Variants in MICAL3 observed in about 807,000 individuals in gnomAD.
MICAL3 encodes [F-actin]-monooxygenase MICAL3.
MICAL3 carries 62 observed loss-of-function variants against 207.4 expected under a neutral mutation model. The observed-to-expected ratio is 0.30, with a 90% CI of 0.24 to 0.37. The LOEUF is 0.37. Ranked by LOEUF, MICAL3 falls within the 10% of genes least tolerant of loss-of-function variation. The pLI is 1.00. For missense variants in MICAL3, 2,368 were observed against 2,635.6 expected (o/e 0.90, Z 2.22); for synonymous variants, 1,077 against 1,069.3 (o/e 1.01, Z -0.14).
In MICAL3 at chr22:17,828,891, A is replaced by G. The variant is rs542130873; in HGVS notation, c.3056-1110T>C. On this transcript the variant is annotated intron_variant, in intron 21 of 31. Coordinates refer to ENST00000441493, the MANE Select transcript of MICAL3 (RefSeq NM_015241.3). ...TGCCTCCTCTGAGTCTAACCAGACA[A>G]TCTGGCCTTGGCTTCAGTCACTATG... 4.9e-4 allele frequency among the ~76,000 whole-genome samples: 75 copies of G among 152,310 alleles called. 1 individual carries two copies. In the South Asian group the frequency reaches 0.015, roughly 31 times the overall value.
intron 10 of MICAL3, among the ~76,000 whole-genome samples, chr22:17,895,045 G>T (rs546842806): frequency 1.1e-3 from 169 of 152,298 alleles, no homozygotes; most frequent in African/African-American, 3.9e-3. Context: ...TGGCATAAAG[G>T]CCTGGATTCC....
chr22:17,885,911 A>G lies in MICAL3; in HGVS notation c.2208T>C (p.Asn736=), dbSNP rs916561616. The G allele has an allele frequency of 6.2e-7, 1 of 1,613,988 alleles. No homozygotes were observed. Among genetic ancestry groups the G allele is most frequent in the African/African-American group, 1.3e-5 (1 of 75,038 alleles). ...ATQLLAKFEE[N]APAQSIGIRR... is the part of the protein sequence containing the mutation. ...GTATGCCGATGGACTGTGCGGGCGC[A>G]TTCTCTTCAAATTTGGCCAGCAGCT... is the stretch of plus-strand genomic sequence containing the variant. Residue 736 remains asparagine (N), a synonymous_variant, in exon 16 of 32, where the codon AAT becomes AAC. Coordinates refer to ENST00000441493, the MANE Select transcript of MICAL3 (RefSeq NM_015241.3).
intron 1 of MICAL3, among the ~76,000 whole-genome samples, chr22:17,919,972 A>C (rs1225033270): frequency 6.6e-6 from 1 of 152,228 alleles, no homozygotes; most frequent in East Asian, 1.9e-4. Context: ...AAGGACCCAT[A>C]ACACTTCTGA....
intron 1 of MICAL3, among the ~76,000 whole-genome samples, chr22:17,976,810 CTT>C (rs1197811898): frequency 2.8e-4 from 33 of 119,942 alleles, no homozygotes; most frequent in Non-Finnish European, 2.2e-4. Context: ...GAGACTTCTT[CTT>C]TTTTTTTTTT....
intron 11 of MICAL3, among the ~76,000 whole-genome samples, chr22:17,892,718 C>G (rs887343708): frequency 6.6e-6 from 1 of 152,208 alleles, no homozygotes; most frequent in African/African-American, 2.4e-5. Flanking sequence ...AGAGAAGACG[C>G]TCCAGTGGAG....
chr22:17,899,806 A>C (rs1931170426), intron 6 of MICAL3, among the ~76,000 whole-genome samples: 1 of 152,190 alleles, frequency 6.6e-6, no homozygotes, highest in Admixed American at 6.5e-5. Flanking sequence ...TTTTACGGGA[A>C]TAAAAACGAA....
chr22:17,856,500 G>A (rs527348538), intron 19 of MICAL3, among the ~76,000 whole-genome samples: 83 of 151,968 alleles, frequency 5.5e-4, no homozygotes, highest in African/African-American at 1.9e-3. Context: ...CAGCGTTCCC[G>A]TGCCTCTACC....
chr22:17,888,957 C>G (rs577555483), intron 13 of MICAL3, 77 bp downstream of exon 13: 1 of 1,001,210 alleles, frequency 1.0e-6, no homozygotes, highest in Non-Finnish European at 1.5e-6. Context: ...TGCTGCGGGA[C>G]AGTCGGAAGG....
chr22:18,005,053 C>A (rs1923297820), intron 1 of MICAL3: 1 of 152,016 alleles, frequency 6.6e-6, no homozygotes, highest in South Asian at 2.1e-4. Flanking sequence ...CATGCCTCAG[C>A]CTCCCAAGTA....
intron 2 of MICAL3, among the ~76,000 whole-genome samples, chr22:17,906,097 T>G (rs990889037): frequency 6.6e-6 from 1 of 152,194 alleles, no homozygotes; most frequent in African/African-American, 2.4e-5. Context: ...CCCTGCTAAG[T>G]GACCTGCATC....
chr22:17,788,833 C>G lies in MICAL3; in HGVS notation c.*1899G>C, dbSNP rs1483364534. The G allele has an allele frequency of 2.6e-5, 4 of 152,482 alleles. No homozygotes were observed. Among genetic ancestry groups the G allele is most frequent in the Admixed American group, 1.3e-4 (2 of 15,302 alleles). 9.4% of individuals were successfully genotyped at this position (152,482 alleles called of 1,614,324 possible). A position where few individuals can be genotyped will look rare whatever the true frequency, so the allele number is the denominator to read the frequency against. ...GTTCAAGTTGAAGCACAGTGTGGTT[C>G]CCATGGAAAGCCCAAGGTCAGCACA... On this transcript the variant is annotated 3_prime_UTR_variant, in exon 32 of 32. Coordinates refer to ENST00000441493, the MANE Select transcript of MICAL3 (RefSeq NM_015241.3).
chr22:17,807,075 C>G (rs2061996387), intron 29 of MICAL3, among the ~76,000 whole-genome samples: 2 of 152,218 alleles, frequency 1.3e-5, no homozygotes, highest in Admixed American at 1.3e-4. Flanking sequence ...TCCTGAAGGG[C>G]TTAAACCATG....
At chr22:17,965,115 C>T (rs2146394711) in intron 1 of MICAL3, among the ~76,000 whole-genome samples, 1 of 151,672 alleles carries the variant, frequency 6.6e-6, no homozygotes, top group African/African-American at 2.4e-5. Context: ...TCCTTTCCCT[C>T]CTTCCCCTTC....
rs984327051 is a variant in MICAL3, at chr22:17,841,569, A to G, written c.2801+253T>C. ...GCCTGCCACTTTCCTTCCCAATGAC[A>G]GACTTGGAGCTGGGGACATGTCAGG... On this transcript the variant is annotated intron_variant, in intron 20 of 31. Coordinates refer to ENST00000441493, the MANE Select transcript of MICAL3 (RefSeq NM_015241.3). This position sits in a 1 kb window ranked among gnomAD's most constrained non-coding sequence, Gnocchi z 4.2. The G allele has an allele frequency of 1.4e-5, 8 of 567,030 alleles. No individual in the cohort carries two copies. In the East Asian group the frequency reaches 2.2e-4, roughly 16 times the overall value. 35.1% of individuals were successfully genotyped at this position (567,030 alleles called of 1,614,324 possible).
intron 19 of MICAL3, among the ~76,000 whole-genome samples, chr22:17,849,565 C>T (rs979276046): frequency 6.6e-6 from 1 of 150,838 alleles, no homozygotes; most frequent in South Asian, 2.1e-4. Context: ...AAACTCCTGG[C>T]CTCAAGTGAT....
At chr22:18,018,576 G>T (rs1924223048) in intron 1 of MICAL3, among the ~76,000 whole-genome samples, 1 of 151,938 alleles carries the variant, frequency 6.6e-6, no homozygotes, top group South Asian at 2.1e-4. Context: ...ACAAAAATTA[G>T]CAGGGTATGG....
intron 1 of MICAL3, among the ~76,000 whole-genome samples, chr22:17,986,594 C>T (rs1921044508): frequency 1.3e-5 from 2 of 152,080 alleles, no homozygotes; most frequent in Non-Finnish European, 2.9e-5. Context: ...AAGGCAAAGA[C>T]TGAGCATTTA....
At chr22:17,812,065 T>TA (rs2062054413) in intron 27 of MICAL3, among the ~76,000 whole-genome samples, 1 of 152,202 alleles carries the variant, frequency 6.6e-6, no homozygotes, top group Non-Finnish European at 1.5e-5. Flanking sequence ...AAAACTTTTA[T>TA]AGACTTCAAA....
chr22:17,934,674 G>A (rs1244104220), intron 1 of MICAL3, among the ~76,000 whole-genome samples: 8 of 152,154 alleles, frequency 5.3e-5, no homozygotes, highest in African/African-American at 1.4e-4. Flanking sequence ...AATTGTCCCC[G>A]TTTGCAGATG....
Sources: gnomAD v4.1 joint callset for allele counts (sites outside exome capture counted in the v4.1 genomes callset) on GRCh38, gnomAD v4.1.1 for gene constraint, Gnocchi (gnomAD v3.1) non-coding constraint, MANE v1.5 for transcripts, NCBI Gene and HGNC (gene_info 2026-07-23, HGNC 2026-07-21) for gene names.